The following SLC24A4 variants were observed in gnomAD, a reference collection of about 807,000 sequenced individuals.
The protein encoded by SLC24A4 is sodium/potassium/calcium exchanger 4.
In SLC24A4, 53 loss-of-function variants were observed where a neutral mutation model predicts 79.0. The ratio of observed to expected loss-of-function variants is 0.67; its 90% confidence interval spans 0.54 to 0.84. The LOEUF (loss-of-function observed/expected upper bound fraction) is 0.84, where lower values mean the gene tolerates loss of function less well. Among genes scored for constraint, SLC24A4 ranks in the 40% least tolerant of loss-of-function variants. The pLI is 0.00. For synonymous variants in SLC24A4, 323 were observed against 323.8 expected (o/e 1.00, Z 0.03); for missense variants, 731 against 822.0 (o/e 0.89, Z 1.35).
At chr14:92,469,095 T>C (rs1419062653) in intron 12 of SLC24A4, among the ~76,000 whole-genome samples, 1 of 152,136 alleles carries the variant, frequency 6.6e-6, no homozygotes, top group Non-Finnish European at 1.5e-5. Flanking sequence ...TGAGATATCA[T>C]GATGAGATGC....
chr14:92,483,381 A>C (rs1302841081), intron 13 of SLC24A4, among the ~76,000 whole-genome samples: 1 of 152,122 alleles, frequency 6.6e-6, no homozygotes. Context: ...CGAATGGGGG[A>C]AATCGAGGCA....
chr14:92,333,302 C>T (rs913670745), intron 2 of SLC24A4, among the ~76,000 whole-genome samples: 1 of 152,124 alleles, frequency 6.6e-6, no homozygotes, highest in East Asian at 1.9e-4. Flanking sequence ...GCCATGTTGG[C>T]CAGCCTGGTC....
upstream of SLC24A4, chr14:92,323,070 G>A (rs1250066035): frequency 1.3e-5 from 2 of 152,186 alleles, no homozygotes; most frequent in Non-Finnish European, 2.9e-5. This position sits in a 1 kb window ranked among gnomAD's most constrained non-coding sequence, Gnocchi z 4.9. Context: ...CCTACGGGAC[G>A]AGTACACGTG....
At chr14:92,351,047 C>T (rs981667494) in intron 2 of SLC24A4, among the ~76,000 whole-genome samples, 3 of 152,198 alleles carry the variant, frequency 2.0e-5, no homozygotes, top group Admixed American at 2.0e-4. Flanking sequence ...TGACCTTGGA[C>T]TTCTAAGCCT....
chr14:92,332,661 A>T (rs545875199), intron 2 of SLC24A4, among the ~76,000 whole-genome samples: 6 of 152,324 alleles, frequency 3.9e-5, no homozygotes, highest in East Asian at 1.9e-4. Context: ...AGGTACCTCC[A>T]CCTCAGAGGA....
intron 1 of SLC24A4, among the ~76,000 whole-genome samples, chr14:92,324,769 TA>T (rs972901888): frequency 3.6e-4 from 55 of 152,330 alleles, no homozygotes; most frequent in Admixed American, 3.2e-3. Flanking sequence ...ATTATTTTTT[TA>T]AATGTAAAAA....
At chr14:92,376,160 T>C (rs1267147598) in intron 2 of SLC24A4, among the ~76,000 whole-genome samples, 1 of 152,228 alleles carries the variant, frequency 6.6e-6, no homozygotes, top group African/African-American at 2.4e-5. Flanking sequence ...GAATGAGCTC[T>C]GGAGCAAGGC....
At chr14:92,474,122 G>A (rs1025049803) in intron 12 of SLC24A4, among the ~76,000 whole-genome samples, 10 of 152,190 alleles carry the variant, frequency 6.6e-5, no homozygotes, top group African/African-American at 2.4e-4. Context: ...CTTGGCATAA[G>A]TTCAGGAAAT....
At chr14:92,428,838 C>T (rs1891707613) in intron 2 of SLC24A4, among the ~76,000 whole-genome samples, 1 of 152,216 alleles carries the variant, frequency 6.6e-6, no homozygotes, top group African/African-American at 2.4e-5. Context: ...GCCAAAGAAG[C>T]TAAGCAAGAA....
In SLC24A4 at chr14:92,499,842, CT is replaced by C. The variant is rs57018621; in HGVS notation, c.*6229del. The C allele has an allele frequency of 3.1e-3, 335 of 107,626 alleles. No individual in the cohort carries two copies. The highest frequency in any genetic ancestry group is 8.6e-3 in the South Asian group (27 of 3,144). The allele number at this position is 107,626 out of a possible 1,614,324, so 6.7% of individuals were successfully genotyped here. A position where few individuals can be genotyped will look rare whatever the true frequency, so the allele number is the denominator to read the frequency against. On this transcript the variant is annotated 3_prime_UTR_variant, in exon 17 of 17. Coordinates refer to ENST00000532405, the MANE Select transcript of SLC24A4 (RefSeq NM_153646.4). ...CCCAAGCAGTTGCTTCTTTTTTTCTCTTTTTTTTTTTTTTTGAGATGGAGCC... is the reference window on the plus strand; with the variant it reads ...CCCAAGCAGTTGCTTCTTTTTTTCTCTTTTTTTTTTTTTTGAGATGGAGCC...
chr14:92,474,863 A>ATATATATATATATATATATATATATAT (rs36185636), intron 12 of SLC24A4, among the ~76,000 whole-genome samples: 8 of 57,124 alleles, frequency 1.4e-4, no homozygotes, highest in Admixed American at 4.3e-4. Flanking sequence ...ATATATATAT[A>ATATATATATATATATATATATATATAT]TTTTTTTTTT....
In SLC24A4 at chr14:92,337,965, G is replaced by A. The variant is rs368798903; in HGVS notation, c.241+11987G>A. 7.2e-5 allele frequency among the ~76,000 whole-genome samples: 11 copies of A among 152,288 alleles called. No individual in the cohort carries two copies. The East Asian group carries it at 1.5e-3, about 21-fold the overall frequency. On this transcript the variant is annotated intron_variant, in intron 2 of 16. Transcript: ENST00000532405. ...AAAGGCTGGAGGCTGAATTTTATAA[G>A]TGCAGCACCTGCTTCATTTTGAGTT...
Position 92,497,392 on chromosome 14 carries a change from C to G in SLC24A4, c.*3764C>G, listed in dbSNP as rs996152954. ...CCATCTCTCAGAGAACCCGGACTCC[C>G]CAAGCAGACTGGGATTTTGGGAAGG... On this transcript the variant is annotated 3_prime_UTR_variant, in exon 17 of 17. Transcript: ENST00000532405. 1 of 152,236 alleles carries G rather than the reference C, an allele frequency of 6.6e-6. No individual in the cohort carries two copies. Among genetic ancestry groups the G allele is most frequent in the African/African-American group, 2.4e-5 (1 of 41,434 alleles). The allele number at this position is 152,236 out of a possible 1,614,324, so 9.4% of individuals were successfully genotyped here. A position where few individuals can be genotyped will look rare whatever the true frequency, so the allele number is the denominator to read the frequency against.
At chr14:92,449,806 C>T (rs1038214918) in intron 10 of SLC24A4, among the ~76,000 whole-genome samples, 1 of 152,266 alleles carries the variant, frequency 6.6e-6, no homozygotes, top group Admixed American at 6.5e-5. Context: ...CCTGGGGCAG[C>T]AGCCTCGTCT....
In SLC24A4 at chr14:92,449,101, C is replaced by G; in HGVS notation, c.765C>G (p.Phe255Leu). The change falls in exon 10 of 17, where the codon TTC (phenylalanine) becomes TTG (leucine). Residue 255 changes from phenylalanine (F) to leucine (L), a missense_variant. Physicochemically the swap from Phe to Leu is conservative, Grantham distance 22. Coordinates refer to ENST00000532405, the MANE Select transcript of SLC24A4 (RefSeq NM_153646.4). The stretch of plus-strand genomic sequence containing the variant: ...ACAATGTGAAGATGCAAGCCTTTTT[C>G]ACAGTCAAACAAAAGAGCATTGCAA... ...MKYNVKMQAFFTVKQKSIANG... is the reference protein window; with the variant it reads ...MKYNVKMQAFLTVKQKSIANG... The G allele has an allele frequency of 1.2e-6, 2 of 1,614,142 alleles. No individual in the cohort carries two copies. Among genetic ancestry groups the G allele is most frequent in the Non-Finnish European group, 8.5e-7 (1 of 1,180,006 alleles).
intron 2 of SLC24A4, among the ~76,000 whole-genome samples, chr14:92,410,861 A>G (rs962335304): frequency 1.3e-5 from 2 of 152,210 alleles, no homozygotes; most frequent in African/African-American, 4.8e-5. Flanking sequence ...AATTGCACAT[A>G]GATAAAGCAG....
chr14:92,376,366 T>A (rs943645533), intron 2 of SLC24A4, among the ~76,000 whole-genome samples: 4 of 152,238 alleles, frequency 2.6e-5, no homozygotes, highest in Non-Finnish European at 5.9e-5. Context: ...GTGGAGCCCC[T>A]GCCTGGTGCC....
At chr14:92,453,729 C>A in intron 10 of SLC24A4, 171 bp from the exon 11 acceptor site, 1 of 585,394 alleles carries the variant, frequency 1.7e-6, no homozygotes, top group South Asian at 2.6e-5. Context: ...GCTAGTGACC[C>A]ACTTTGCCTG....
intron 8 of SLC24A4, among the ~76,000 whole-genome samples, chr14:92,446,359 C>A (rs1892798155): frequency 6.6e-6 from 1 of 152,136 alleles, no homozygotes; most frequent in Non-Finnish European, 1.5e-5. Flanking sequence ...GTTGGCCAGG[C>A]TGGTCTCGAA....
Sources: gnomAD v4.1 joint callset for allele counts (sites outside exome capture counted in the v4.1 genomes callset) on GRCh38, gnomAD v4.1.1 for gene constraint, Gnocchi (gnomAD v3.1) non-coding constraint, MANE v1.5 for transcripts, NCBI Gene and HGNC (gene_info 2026-07-23, HGNC 2026-07-21) for gene names.